Variants in GRK4 observed in about 807,000 individuals in gnomAD.
GRK4 encodes G protein-coupled receptor kinase 4, also known as G protein-coupled receptor kinase 2-like.
Under a neutral mutation model 77.9 loss-of-function variants are expected in GRK4, and 73 were observed. That is an observed-to-expected ratio of 0.94 (90% CI 0.78 to 1.14). The LOEUF (loss-of-function observed/expected upper bound fraction) is 1.14. Ranked by LOEUF, GRK4 falls within the 50% of genes most tolerant of loss-of-function variation. GRK4 has a pLI of 0.00. For missense variants in GRK4, 729 were observed against 700.2 expected (o/e 1.04, Z -0.46); for synonymous variants, 257 against 254.4 (o/e 1.01, Z -0.10).
At chr4:2,982,414 A>G (rs2109540117) in intron 1 of GRK4, among the ~76,000 whole-genome samples, 1 of 152,366 alleles carries the variant, frequency 6.6e-6, no homozygotes, top group Non-Finnish European at 1.5e-5. Flanking sequence ...AGTAGTGTAA[A>G]GTTGGGAGAA....
At chr4:3,035,334 G>A (rs1740305947) in intron 12 of GRK4, 52 bp from the exon 13 acceptor site, 3 of 1,602,822 alleles carry the variant, frequency 1.9e-6, no homozygotes, top group Non-Finnish European at 8.5e-7. Context: ...GGAGTTTTGA[G>A]TTTTCATTTT....
At chr4:2,992,428 C>T (rs777796477) in intron 4 of GRK4, 136 bp downstream of exon 4, 4 of 565,196 alleles carry the variant, frequency 7.1e-6, no homozygotes, top group Non-Finnish European at 1.3e-5. Context: ...GCCTGTAATC[C>T]CAGCACTTCG....
intron 14 of GRK4, among the ~76,000 whole-genome samples, chr4:3,038,093 G>A (rs1741336097): frequency 6.6e-6 from 1 of 152,168 alleles, no homozygotes. Flanking sequence ...CTGCCACCCC[G>A]AGCCCCACTC....
At position 3,029,408 on chromosome 4, in the gene GRK4, T is replaced by A. The variant is rs756469640; in HGVS notation, c.1268T>A (p.Met423Lys). The A allele has an allele frequency of 7.4e-6, 12 of 1,612,226 alleles. No individual in the cohort carries two copies. In the East Asian group the frequency reaches 2.7e-4, roughly 36 times the overall value. ...GAGGATGCCAAATCTATCTGCAGGA[T>A]GGTAAGTCAGGCTCTGTAGAGGCTG... ...FSEDAKSICR[M>K]LLTKNPSKRL... Residue 423 changes from methionine to lysine, a missense_variant and splice_region_variant, in exon 12 of 16, where the codon ATG (methionine) becomes AAG (lysine). Coordinates refer to ENST00000398052, the MANE Select transcript of GRK4 (RefSeq NM_182982.3).
chr4:3,022,449 G>T lies in GRK4; in HGVS notation c.968G>T (p.Arg323Leu), dbSNP rs745596133. The change falls in exon 10 of 16, where the codon CGT becomes CTT. Residue 323 changes from arginine (R) to leucine (L), a missense_variant and splice_region_variant. Arg to Leu is a moderately radical substitution (Grantham distance 102). Coordinates refer to ENST00000398052, the MANE Select transcript of GRK4 (RefSeq NM_182982.3). ...LKPENILLDDRGHIRISDLGL... is the reference protein window; with the variant it reads ...LKPENILLDDLGHIRISDLGL... ...CCTGAGAATATTCTCCTTGATGATCGTGGTAAGTGGGCAAGCCTTTCACAT... is the reference window on the plus strand; with the variant it reads ...CCTGAGAATATTCTCCTTGATGATCTTGGTAAGTGGGCAAGCCTTTCACAT... The T allele has an allele frequency of 6.2e-7, 1 of 1,613,742 alleles. No homozygotes were observed. The highest frequency in any genetic ancestry group is 1.3e-5 in the African/African-American group (1 of 74,892).
At chr4:3,032,767 A>G (rs968718267) in intron 12 of GRK4, among the ~76,000 whole-genome samples, 1 of 152,228 alleles carries the variant, frequency 6.6e-6, no homozygotes. Context: ...TACATGTAAA[A>G]TGTTTAGTAG....
At chr4:2,983,691 T>C (rs935716712) in intron 1 of GRK4, among the ~76,000 whole-genome samples, 9 of 152,188 alleles carry the variant, frequency 5.9e-5, no homozygotes, top group Admixed American at 5.2e-4. Context: ...TTTTTTCTTA[T>C]CTCTTATCAT....
chr4:2,990,981 G>A (rs758498556), intron 3 of GRK4, among the ~76,000 whole-genome samples: 6 of 152,160 alleles, frequency 3.9e-5, no homozygotes, highest in Non-Finnish European at 8.8e-5. Context: ...CCCCCTCATG[G>A]CACATGGCAT....
intron 1 of GRK4, 59 bp from the exon 2 acceptor site, chr4:2,984,454 T>G (rs1339403022): frequency 1.1e-6 from 1 of 909,222 alleles, no homozygotes; most frequent in Non-Finnish European, 1.8e-6. Flanking sequence ...TGGAAGTAGT[T>G]GTTATAATTG....
chr4:3,038,211 G>A (rs995745809), intron 14 of GRK4, among the ~76,000 whole-genome samples, 165 bp from the exon 15 acceptor site: 1 of 152,216 alleles, frequency 6.6e-6, no homozygotes, highest in Admixed American at 6.5e-5. Flanking sequence ...CCAAGAAGAG[G>A]TCAGGAAGCA....
intron 4 of GRK4, among the ~76,000 whole-genome samples, chr4:2,998,657 A>C (rs547308847): frequency 6.6e-6 from 1 of 152,228 alleles, no homozygotes; most frequent in Non-Finnish European, 1.5e-5. Context: ...ACGTAACAAC[A>C]TAAGTGTAAC....
intron 7 of GRK4, among the ~76,000 whole-genome samples, chr4:3,011,587 A>G (rs1353661373): frequency 6.6e-6 from 1 of 152,106 alleles, no homozygotes; most frequent in Non-Finnish European, 1.5e-5. Flanking sequence ...GAGGTGTTGT[A>G]CTCTCAGTCA....
At chr4:2,981,131 A>G (rs1334031702) in intron 1 of GRK4, among the ~76,000 whole-genome samples, 1 of 152,240 alleles carries the variant, frequency 6.6e-6, no homozygotes, top group Non-Finnish European at 1.5e-5. Flanking sequence ...GGAACCACAG[A>G]GCTTCAAAGA....
rs1480068441 is a variant in GRK4 at position 3,003,841 on chromosome 4, A to G, written c.340-390A>G. Among the ~76,000 whole-genome samples the G allele has an allele frequency of 3.3e-5, 5 of 152,060 alleles. No homozygotes were observed. The East Asian group carries it at 9.7e-4, about 29-fold the overall frequency. ...AACCTCCGCCTCCCAGGTTCAAGTGATTCTCCTGCCTCAGCCTCCCAAGTA... is the reference window on the plus strand; with the variant it reads ...AACCTCCGCCTCCCAGGTTCAAGTGGTTCTCCTGCCTCAGCCTCCCAAGTA... On this transcript the variant is annotated intron_variant, in intron 4 of 15. Coordinates refer to ENST00000398052, the MANE Select transcript of GRK4 (RefSeq NM_182982.3).
intron 5 of GRK4, among the ~76,000 whole-genome samples, chr4:3,005,531 G>A (rs13111546): frequency 0.02 from 3,011 of 152,234 alleles, 44 homozygotes; most frequent in Middle Eastern, 0.038. Flanking sequence ...GGCCGGGCGC[G>A]GTGGCTCACG....
Position 3,037,430 on chromosome 4 carries a change from A to G in GRK4, c.1464A>G (p.Lys488=). The change falls in exon 14 of 16, where the codon AAA becomes AAG. Residue 488 remains lysine, a synonymous_variant. Transcript: ENST00000398052. ...VLDIEQFSVV[K]GIYLDTADED... ...ATATCGAGCAGTTCTCGGTGGTGAAAGGGATCTACCTGGACACCGCAGATG... is the reference window on the plus strand; with the variant it reads ...ATATCGAGCAGTTCTCGGTGGTGAAGGGGATCTACCTGGACACCGCAGATG... 6.2e-7 allele frequency: 1 copy of G among 1,606,726 alleles called. No homozygotes were observed. Among genetic ancestry groups the G allele is most frequent in the Non-Finnish European group, 8.5e-7 (1 of 1,175,020 alleles).
chr4:2,996,557 GA>G lies in GRK4; in HGVS notation c.339+4276del, dbSNP rs1009483915. 5.9e-3 allele frequency among the ~76,000 whole-genome samples: 849 copies of G among 144,984 alleles called. 3 individuals carry two copies. Among genetic ancestry groups the G allele is most frequent in the Middle Eastern group, 7.0e-3 (2 of 284 alleles). ...GTGACAGAGCGAGACTCTGCCTCAG[GA>G]AAAAAAAAAATGCCTCTTAATGGTC... On this transcript the variant is annotated intron_variant, in intron 4 of 15. Transcript: ENST00000398052.
chr4:2,990,331 A>G (rs897809284), intron 3 of GRK4, among the ~76,000 whole-genome samples: 2 of 136,938 alleles, frequency 1.5e-5, no homozygotes, highest in African/African-American at 5.6e-5. Context: ...ATCCCAGCTC[A>G]CTGCAACCTC....
At chr4:3,011,707 T>C (rs934886169) in intron 7 of GRK4, among the ~76,000 whole-genome samples, 47 of 152,250 alleles carry the variant, frequency 3.1e-4, no homozygotes, top group African/African-American at 1.1e-3. Context: ...ATCCAGATTC[T>C]AATCGTGCAT....
Sources: gnomAD v4.1 joint callset for allele counts (sites outside exome capture counted in the v4.1 genomes callset) on GRCh38, gnomAD v4.1.1 for gene constraint, MANE v1.5 for transcripts, NCBI Gene and HGNC (gene_info 2026-07-23, HGNC 2026-07-21) for gene names.